Variants in PSPC1 observed in about 807,000 individuals in gnomAD.
PSPC1 encodes the protein paraspeckle component 1.
In PSPC1, 14 loss-of-function variants were observed where a neutral mutation model predicts 51.6. The ratio of observed to expected loss-of-function variants is 0.27; its 90% CI spans 0.18 to 0.42. The LOEUF (loss-of-function observed/expected upper bound fraction) is 0.42. PSPC1 is among the 10% of genes least tolerant of loss of function. The probability of loss-of-function intolerance (pLI) is 1.00; values close to 1 mark genes in which losing one functional copy is unlikely to be tolerated. For synonymous variants in PSPC1, 193 were observed against 231.9 expected, an observed-to-expected ratio of 0.83 and a Z score of 1.53; for missense variants, 406 against 701.1, an observed-to-expected ratio of 0.58 and a Z score of 4.75.
intron 5 of PSPC1, among the ~76,000 whole-genome samples, chr13:19,736,527 C>CAAA (rs996527337): frequency 2.6e-5 from 4 of 151,882 alleles, no homozygotes; most frequent in Admixed American, 2.0e-4. Context: ...ACTAAAAATA[C>CAAA]AAAAAATTAG....
At chr13:19,710,257 G>A (rs1881226082) in intron 6 of PSPC1, among the ~76,000 whole-genome samples, 1 of 151,892 alleles carries the variant, frequency 6.6e-6, no homozygotes, top group Non-Finnish European at 1.5e-5. Flanking sequence ...GTATTACACA[G>A]TTAACTATAA....
intron 6 of PSPC1, among the ~76,000 whole-genome samples, chr13:19,726,721 T>C (rs766173304): frequency 6.6e-6 from 1 of 152,062 alleles, no homozygotes; most frequent in Non-Finnish European, 1.5e-5. Context: ...CAAGACCCCA[T>C]CTCTAAAAGA....
At chr13:19,744,075 T>C (rs1281299503) in intron 4 of PSPC1, among the ~76,000 whole-genome samples, 1 of 152,166 alleles carries the variant, frequency 6.6e-6, no homozygotes, top group East Asian at 1.9e-4. Context: ...ACCATTGCAC[T>C]CCAGCCTGGG....
At chr13:19,703,859 G>C (rs565051756) in intron 8 of PSPC1, among the ~76,000 whole-genome samples, 1 of 152,148 alleles carries the variant, frequency 6.6e-6, no homozygotes, top group East Asian at 1.9e-4. Context: ...CATACACAAA[G>C]AATTATGATT....
At chr13:19,749,542 A>G (rs1886322277) in intron 4 of PSPC1, among the ~76,000 whole-genome samples, 3 of 151,794 alleles carry the variant, frequency 2.0e-5, no homozygotes, top group Admixed American at 6.6e-5. Flanking sequence ...AAAAAAAAAA[A>G]ATCTCTCTTC....
intron 6 of PSPC1, among the ~76,000 whole-genome samples, chr13:19,679,557 T>C (rs534392148): frequency 1.7e-4 from 26 of 152,274 alleles, no homozygotes; most frequent in African/African-American, 5.3e-4. Context: ...ATACTGAACA[T>C]GTATAGACTT....
intron 6 of PSPC1, among the ~76,000 whole-genome samples, chr13:19,723,585 A>G (rs1883030033): frequency 6.6e-6 from 1 of 152,240 alleles, no homozygotes; most frequent in African/African-American, 2.4e-5. Flanking sequence ...TATTGAAACT[A>G]TTAAATAATC....
intron 6 of PSPC1, among the ~76,000 whole-genome samples, chr13:19,710,568 T>A (rs1174861215): frequency 6.6e-6 from 1 of 152,226 alleles, no homozygotes; most frequent in Admixed American, 6.5e-5. Flanking sequence ...AATGTTCATT[T>A]AAAGTTCCAT....
intron 7 of PSPC1, among the ~76,000 whole-genome samples, chr13:19,677,110 G>A: frequency 6.6e-6 from 1 of 151,984 alleles, no homozygotes; most frequent in East Asian, 1.9e-4. Context: ...GCAGGCGCCT[G>A]TGGTCCCAGC....
chr13:19,757,820 A>C (rs570374773), intron 3 of PSPC1, among the ~76,000 whole-genome samples: 1 of 152,276 alleles, frequency 6.6e-6, no homozygotes, highest in African/African-American at 2.4e-5. Context: ...GTTTTTAAAA[A>C]TATAATAAGC....
At chr13:19,706,035 A>G (rs1250006081) in intron 7 of PSPC1, among the ~76,000 whole-genome samples, 1 of 152,218 alleles carries the variant, frequency 6.6e-6, no homozygotes, top group Non-Finnish European at 1.5e-5. Context: ...CCAAACGTAC[A>G]TAAAATCAAG....
At chr13:19,732,508 A>G (rs1884241810) in intron 5 of PSPC1, among the ~76,000 whole-genome samples, 1 of 152,234 alleles carries the variant, frequency 6.6e-6, no homozygotes, top group South Asian at 2.1e-4. Context: ...AACCACATTA[A>G]TATTTCTGCA....
chr13:19,704,488 G>A (rs1593572126), intron 8 of PSPC1, among the ~76,000 whole-genome samples: 2 of 152,286 alleles, frequency 1.3e-5, no homozygotes, highest in African/African-American at 4.8e-5. Context: ...ACAGGTCTGA[G>A]TCTAACAGGC....
At chr13:19,697,046 T>C (rs555872510) in intron 6 of PSPC1, among the ~76,000 whole-genome samples, 3 of 152,326 alleles carry the variant, frequency 2.0e-5, no homozygotes, top group African/African-American at 7.2e-5. Flanking sequence ...GGTGTTTTGA[T>C]TGTCAGGGAT....
chr13:19,677,620 T>A (rs1565951416), intron 7 of PSPC1: 1 of 389,226 alleles, frequency 2.6e-6, no homozygotes, highest in Non-Finnish European at 5.0e-6. Context: ...CATATCTTCA[T>A]TACAGTCCAC....
intron 7 of PSPC1, among the ~76,000 whole-genome samples, chr13:19,676,332 G>A (rs549731015): frequency 4.6e-5 from 7 of 152,168 alleles, no homozygotes; most frequent in Admixed American, 4.6e-4. Flanking sequence ...TGAGGGTGTG[G>A]CTTGAGAATG....
intron 6 of PSPC1, among the ~76,000 whole-genome samples, chr13:19,712,140 C>T (rs1302694209): frequency 6.6e-6 from 1 of 152,132 alleles, no homozygotes. Flanking sequence ...AAGCTGGTTA[C>T]ACACCAGCAC....
At chr13:19,721,902 G>A (rs907867497) in intron 6 of PSPC1, among the ~76,000 whole-genome samples, 7 of 152,200 alleles carry the variant, frequency 4.6e-5, no homozygotes, top group Non-Finnish European at 1.0e-4. Context: ...ATCAGCAGTT[G>A]TACCTCAATG....
At chr13:19,672,759 G>T, downstream of PSPC1, 1 of 176,190 alleles carries the variant, frequency 5.7e-6, no homozygotes, top group Non-Finnish European at 1.2e-5. Context: ...CTAAGATGTA[G>T]TAAGAATGTA....
Sources: gnomAD v4.1 joint callset for allele counts (sites outside exome capture counted in the v4.1 genomes callset) on GRCh38, gnomAD v4.1.1 for gene constraint, MANE v1.5 for transcripts, NCBI Gene and HGNC (gene_info 2026-07-23, HGNC 2026-07-21) for gene names.